STK31: variants seen among roughly 807,000 people sequenced by gnomAD.
The protein encoded by STK31 is serine/threonine-protein kinase 31.
STK31 carries 89 observed loss-of-function variants against 129.7 expected under a neutral mutation model. The ratio of observed to expected loss-of-function variants is 0.69; its 90% CI spans 0.58 to 0.82. STK31 has a LOEUF of 0.82. Ranked by LOEUF, STK31 falls within the 40% of genes least tolerant of loss-of-function variation. STK31 has a pLI of 0.00. For synonymous variants in STK31, 448 were observed against 395.3 expected (o/e 1.13, Z -1.58); for missense variants, 1,187 against 1,176.4 (o/e 1.01, Z -0.13).
At chr7:23,826,552 A>G (rs761834203) in intron 23 of STK31, among the ~76,000 whole-genome samples, 1 of 152,122 alleles carries the variant, frequency 6.6e-6, no homozygotes, top group Non-Finnish European at 1.5e-5. Context: ...CTCTTTATCC[A>G]GTTTGCCAGT....
At chr7:23,722,894 G>A (rs983554726) in intron 4 of STK31, 1 of 152,338 alleles carries the variant, frequency 6.6e-6, no homozygotes, top group Non-Finnish European at 1.5e-5. Context: ...CCAGGCGTGG[G>A]ATATAATCTC....
chr7:23,759,925 A>G (rs1250573590), intron 10 of STK31, among the ~76,000 whole-genome samples: 2 of 152,166 alleles, frequency 1.3e-5, no homozygotes, highest in Non-Finnish European at 1.5e-5. Flanking sequence ...AGTGGCTTTC[A>G]TACATGCTAA....
At chr7:23,732,200 A>G (rs148694030) in intron 6 of STK31, among the ~76,000 whole-genome samples, 3,412 of 151,910 alleles carry the variant, frequency 0.022, 55 homozygotes, top group Non-Finnish European at 0.034. Context: ...AGTCCCCGCT[A>G]CTCAGGAGGC....
At chr7:23,816,606 C>T (rs1265402363) in intron 23 of STK31, among the ~76,000 whole-genome samples, 1 of 152,132 alleles carries the variant, frequency 6.6e-6, no homozygotes, top group Non-Finnish European at 1.5e-5. Context: ...GAATGAGGAC[C>T]TCAGTTGTTC....
intron 10 of STK31, among the ~76,000 whole-genome samples, chr7:23,755,802 T>G (rs1789037318): frequency 6.6e-6 from 1 of 152,136 alleles, no homozygotes; most frequent in Non-Finnish European, 1.5e-5. Context: ...GATCAGATGG[T>G]TTTAGATGTG....
At chr7:23,732,531 G>A (rs1440746868) in intron 6 of STK31, among the ~76,000 whole-genome samples, 1 of 152,188 alleles carries the variant, frequency 6.6e-6, no homozygotes, top group Non-Finnish European at 1.5e-5. Context: ...TCAGGGTTCT[G>A]TGTTTATGAT....
chr7:23,712,025 G>A (rs898615357), intron 1 of STK31, 74 bp from the exon 2 acceptor site: 1 of 1,241,064 alleles, frequency 8.1e-7, no homozygotes, highest in Non-Finnish European at 1.1e-6. Context: ...TGTAAGAATT[G>A]AACATGATGT....
intron 15 of STK31, among the ~76,000 whole-genome samples, chr7:23,779,277 C>G (rs1015306274): frequency 2.0e-5 from 3 of 152,192 alleles, no homozygotes; most frequent in African/African-American, 4.8e-5. Context: ...TGTCTGTCGT[C>G]CCCTGCTGGG....
At chr7:23,762,193 G>T (rs868596635) in intron 10 of STK31, among the ~76,000 whole-genome samples, 1 of 150,998 alleles carries the variant, frequency 6.6e-6, no homozygotes, top group Non-Finnish European at 1.5e-5. Context: ...CCATTAACTC[G>T]TCATTTAGCA....
At chr7:23,798,589 T>C (rs1002154563) in intron 22 of STK31, among the ~76,000 whole-genome samples, 1 of 152,140 alleles carries the variant, frequency 6.6e-6, no homozygotes, top group Non-Finnish European at 1.5e-5. Context: ...TAGGTATTGA[T>C]GGAATGTATT....
intron 15 of STK31, among the ~76,000 whole-genome samples, chr7:23,773,299 T>A (rs1385503079): frequency 6.6e-6 from 1 of 152,170 alleles, no homozygotes; most frequent in Non-Finnish European, 1.5e-5. Context: ...GGTGTTTGGT[T>A]TTCTGTTCCT....
chr7:23,779,797 C>T (rs1204861558), intron 15 of STK31, among the ~76,000 whole-genome samples: 1 of 152,204 alleles, frequency 6.6e-6, no homozygotes, highest in East Asian at 1.9e-4. Flanking sequence ...ATCTGCTGAG[C>T]AGGACCACTT....
intron 4 of STK31, chr7:23,721,798 C>T: frequency 1.6e-6 from 1 of 617,566 alleles, no homozygotes. Flanking sequence ...AACTGATCCT[C>T]TACAGGCATG....
chr7:23,764,416 T>A (rs1789682161), intron 11 of STK31, among the ~76,000 whole-genome samples: 1 of 152,170 alleles, frequency 6.6e-6, no homozygotes, highest in African/African-American at 2.4e-5. Flanking sequence ...TTCTCTTTAT[T>A]TTGCTGAGAA....
intron 8 of STK31, among the ~76,000 whole-genome samples, chr7:23,745,714 G>A (rs1584372322): frequency 2.6e-5 from 4 of 152,296 alleles, no homozygotes; most frequent in South Asian, 2.1e-4. Context: ...CCTTCTGCTG[G>A]TGGGGTTGGG....
chr7:23,715,851 A>G (rs1786283426), intron 3 of STK31, among the ~76,000 whole-genome samples: 1 of 152,092 alleles, frequency 6.6e-6, no homozygotes. Context: ...ATATTTCTTT[A>G]GAACATATAT....
intron 15 of STK31, among the ~76,000 whole-genome samples, chr7:23,777,754 A>G (rs1790652862): frequency 6.6e-6 from 1 of 151,954 alleles, no homozygotes; most frequent in Non-Finnish European, 1.5e-5. Context: ...GGGTCTCCTG[A>G]ATATAGCACA....
chr7:23,735,472 G>T, intron 6 of STK31, 66 bp from the exon 7 acceptor site: 1 of 1,376,862 alleles, frequency 7.3e-7, no homozygotes, highest in South Asian at 1.5e-5. Context: ...GGAAAAAATG[G>T]GTAGGAACAA....
At chr7:23,811,365 T>C (rs1239433777) in intron 22 of STK31, 5 of 378,510 alleles carry the variant, frequency 1.3e-5, no homozygotes, top group Non-Finnish European at 2.6e-5. Flanking sequence ...TTGCCTTTGA[T>C]TGATTTAATG....
Sources: gnomAD v4.1 joint callset for allele counts (sites outside exome capture counted in the v4.1 genomes callset) on GRCh38, gnomAD v4.1.1 for gene constraint, MANE v1.5 for transcripts, NCBI Gene and HGNC (gene_info 2026-07-23, HGNC 2026-07-21) for gene names.